Variants in CPNE8 observed in about 807,000 individuals in gnomAD.
CPNE8 encodes copine-8.
A neutral mutation model predicts 81.5 loss-of-function variants in CPNE8; 45 were observed. The observed-to-expected ratio is 0.55, with a 90% CI of 0.44 to 0.71. The LOEUF (loss-of-function observed/expected upper bound fraction) is 0.71, where lower values mean the gene tolerates loss of function less well. Among genes scored for constraint, CPNE8 ranks in the 30% least tolerant of loss-of-function variants. CPNE8 has a pLI of 0.00. For missense variants in CPNE8, 594 were observed against 672.1 expected (o/e 0.88, Z 1.28); for synonymous variants, 252 against 226.3 (o/e 1.11, Z -1.02).
intron 6 of CPNE8, among the ~76,000 whole-genome samples, chr12:38,790,211 T>C (rs1370916020): frequency 1.3e-5 from 2 of 151,640 alleles, no homozygotes; most frequent in African/African-American, 2.4e-5. Context: ...CCACGTAGAA[T>C]AGATACAGAA....
intron 11 of CPNE8, among the ~76,000 whole-genome samples, chr12:38,725,646 C>T (rs890245918): frequency 1.3e-5 from 2 of 152,070 alleles, no homozygotes; most frequent in African/African-American, 4.8e-5. Flanking sequence ...ATTTGAACCA[C>T]AATTTATTAA....
intron 1 of CPNE8, among the ~76,000 whole-genome samples, chr12:38,876,233 G>A (rs1487821582): frequency 6.6e-6 from 1 of 151,390 alleles, no homozygotes; most frequent in Non-Finnish European, 1.5e-5. Flanking sequence ...TTTTTTTTGA[G>A]ACGAACTTTC....
intron 10 of CPNE8, among the ~76,000 whole-genome samples, chr12:38,746,946 C>T (rs895669034): frequency 2.6e-5 from 4 of 152,202 alleles, no homozygotes; most frequent in Non-Finnish European, 5.9e-5. Context: ...ACATCTAAGA[C>T]GTGGTTTTTA....
At chr12:38,795,488 A>G (rs998836003) in intron 6 of CPNE8, among the ~76,000 whole-genome samples, 4 of 151,734 alleles carry the variant, frequency 2.6e-5, no homozygotes, top group African/African-American at 9.8e-5. Flanking sequence ...ATCTATCCAC[A>G]GATGAATGAA....
chr12:38,742,742 A>T (rs1481717759), intron 10 of CPNE8, among the ~76,000 whole-genome samples: 1 of 151,690 alleles, frequency 6.6e-6, no homozygotes, highest in Non-Finnish European at 1.5e-5. Context: ...AGAATGGCAC[A>T]TCAGAAATTT....
intron 1 of CPNE8, among the ~76,000 whole-genome samples, chr12:38,879,331 CT>C (rs1944116654): frequency 6.6e-6 from 1 of 150,616 alleles, no homozygotes; most frequent in Non-Finnish European, 1.5e-5. Context: ...TTTTTTTTTC[CT>C]TTTTGCCAAC....
intron 4 of CPNE8, among the ~76,000 whole-genome samples, chr12:38,843,445 G>T (rs1943505554): frequency 6.6e-6 from 1 of 151,998 alleles, no homozygotes; most frequent in Non-Finnish European, 1.5e-5. Context: ...TCTCTGTTGG[G>T]GGGCAGTAGG....
At chr12:38,854,284 TC>T (rs892125120) in intron 3 of CPNE8, among the ~76,000 whole-genome samples, 31 of 151,782 alleles carry the variant, frequency 2.0e-4, no homozygotes, top group African/African-American at 6.8e-4. Context: ...CAACAGAGAC[TC>T]CACAGCCCTC....
intron 6 of CPNE8, among the ~76,000 whole-genome samples, chr12:38,823,471 CA>C: frequency 6.6e-6 from 1 of 152,298 alleles, no homozygotes; most frequent in African/African-American, 2.4e-5. Context: ...GCCTAGATCA[CA>C]AAGTGCTTTT....
At chr12:38,760,690 G>C (rs12300353) in intron 10 of CPNE8, among the ~76,000 whole-genome samples, 157 bp downstream of exon 10, 47,474 of 151,692 alleles carry the variant, frequency 0.31, 8,964 homozygotes, top group Non-Finnish European at 0.43. Flanking sequence ...GAGAAAATAT[G>C]CTCATTTTAA....
chr12:38,677,364 T>C, intron 17 of CPNE8, 88 bp downstream of exon 17: 1 of 734,768 alleles, frequency 1.4e-6, no homozygotes, highest in East Asian at 2.6e-5. Context: ...GATTTTATTT[T>C]ATTGTTAACT....
chr12:38,699,675 T>C (rs2136684299), intron 14 of CPNE8, among the ~76,000 whole-genome samples: 1 of 152,176 alleles, frequency 6.6e-6, no homozygotes, highest in African/African-American at 2.4e-5. Flanking sequence ...ACCCAGCTAA[T>C]ATACTCTACG....
At chr12:38,746,742 G>A (rs1941234179) in intron 10 of CPNE8, among the ~76,000 whole-genome samples, 1 of 152,136 alleles carries the variant, frequency 6.6e-6, no homozygotes, top group East Asian at 1.9e-4. Flanking sequence ...TCGTCATAAA[G>A]CAGGTATTAT....
intron 19 of CPNE8, among the ~76,000 whole-genome samples, chr12:38,668,734 A>C (rs759413789): frequency 7.2e-5 from 11 of 152,124 alleles, no homozygotes; most frequent in Non-Finnish European, 1.6e-4. Context: ...AAGGTGAATA[A>C]TCATGTGTCT....
At chr12:38,902,316 GA>G (rs1379799397) in intron 1 of CPNE8, among the ~76,000 whole-genome samples, 7,395 of 43,284 alleles carry the variant, frequency 0.17, 864 homozygotes, top group Non-Finnish European at 0.21. Flanking sequence ...AGGAAGGAAG[GA>G]AAGAAAGAAA....
chr12:38,732,685 T>C (rs1331406449), intron 10 of CPNE8, among the ~76,000 whole-genome samples: 3 of 151,974 alleles, frequency 2.0e-5, no homozygotes, highest in East Asian at 1.9e-4. Context: ...TACTGTCCTC[T>C]GCAGACTTTT....
chr12:38,820,436 T>G (rs376787188), intron 6 of CPNE8, among the ~76,000 whole-genome samples: 1 of 151,030 alleles, frequency 6.6e-6, no homozygotes, highest in East Asian at 1.9e-4. Flanking sequence ...AAAAGAAAAA[T>G]AGAAACTCAT....
At position 38,685,553 on chromosome 12, in the gene CPNE8, C is replaced by A; in HGVS notation, c.1208G>T (p.Ser403Ile). ...CCCATATAGTTGTACAGATTTCAGA[C>A]TCCTGTAATAAGCCTCCATGACCCC... is the stretch of plus-strand genomic sequence containing the variant. ...IEGVMEAYYR[S>I]LKSVQLYGPT... Residue 403 changes from serine (S) to isoleucine (I), a missense_variant, in exon 16 of 20, where the codon AGT becomes ATT. Transcript: ENST00000331366. The A allele has an allele frequency of 6.2e-7, 1 of 1,613,540 alleles. No individual in the cohort carries two copies. The highest frequency in any genetic ancestry group is 1.1e-5 in the South Asian group (1 of 91,070).
rs573925723 is a variant in CPNE8 at position 38,687,629 on chromosome 12, G to A, written c.1144-2012C>T. ...ACTCCTGACCTCAGGTGATCCACCC[G>A]CCTCAGCCTCCCAAAGTGCTGGGAT... is the stretch of plus-strand genomic sequence containing the variant. On this transcript the variant is annotated intron_variant, in intron 15 of 19. Coordinates refer to ENST00000331366, the MANE Select transcript of CPNE8 (RefSeq NM_153634.3). 1.2e-4 allele frequency among the ~76,000 whole-genome samples: 19 copies of A among 152,032 alleles called. No individual in the cohort carries two copies. The South Asian group carries it at 2.9e-3, about 23-fold the overall frequency.
Sources: allele counts gnomAD v4.1 joint callset (sites outside exome capture counted in the v4.1 genomes callset), GRCh38; gene constraint gnomAD v4.1.1; transcripts MANE v1.5; gene names NCBI Gene and HGNC (gene_info 2026-07-23, HGNC 2026-07-21).